Variants in RBFOX1 observed in about 807,000 individuals in gnomAD.
The protein encoded by RBFOX1 is RNA binding protein fox-1 homolog 1.
In RBFOX1, 8 loss-of-function variants were observed where a neutral mutation model predicts 57.7. That is an observed-to-expected ratio of 0.14 (90% CI 0.08 to 0.25). The LOEUF (loss-of-function observed/expected upper bound fraction) is 0.25. Among genes scored for constraint, RBFOX1 ranks in the 10% least tolerant of loss-of-function variants. The pLI, the probability that RBFOX1 is intolerant of heterozygous loss-of-function variation, is 1.00. For missense variants in RBFOX1, 611 were observed against 548.5 expected (o/e 1.11, Z -1.14); for synonymous variants, 326 against 222.4 (o/e 1.47, Z -4.15).
intron 5 of RBFOX1, among the ~76,000 whole-genome samples, chr16:7,549,845 C>T (rs997485762): frequency 2.0e-5 from 3 of 152,198 alleles, no homozygotes; most frequent in Non-Finnish European, 4.4e-5. Flanking sequence ...AACACCCTCA[C>T]GGACACACGC....
At chr16:5,757,016 T>G (rs1309711388) in intron 3 of RBFOX1, among the ~76,000 whole-genome samples, 1 of 152,298 alleles carries the variant, frequency 6.6e-6, no homozygotes, top group East Asian at 1.9e-4. Flanking sequence ...TTACTAATGA[T>G]TTAATTCAGA....
At chr16:7,222,584 TTCCTGCCTGGGTTCAAATCTCC>T (rs2092810261) in intron 4 of RBFOX1, among the ~76,000 whole-genome samples, 1 of 152,216 alleles carries the variant, frequency 6.6e-6, no homozygotes, top group African/African-American at 2.4e-5. Flanking sequence ...CTGGCTGTTG[TTCCTGCCTGGGTTCAAATCTCC>T]TCTCTGCCGC....
chr16:6,862,397 G>C (rs952354923), intron 3 of RBFOX1, among the ~76,000 whole-genome samples: 1 of 152,170 alleles, frequency 6.6e-6, no homozygotes, highest in African/African-American at 2.4e-5. Context: ...CAATGAAATG[G>C]AGGAAGAGAG....
chr16:6,964,477 A>G (rs2083674177), intron 3 of RBFOX1, among the ~76,000 whole-genome samples: 1 of 152,138 alleles, frequency 6.6e-6, no homozygotes, highest in African/African-American at 2.4e-5. Context: ...GTCAGTGTAT[A>G]TGGTTATCAA....
intron 2 of RBFOX1, among the ~76,000 whole-genome samples, chr16:6,500,889 T>TGTTTGTTTG (rs1313041982): frequency 1.5e-3 from 219 of 142,242 alleles, no homozygotes; most frequent in East Asian, 3.2e-3. Context: ...TTTTTTTTTT[T>TGTTTGTTTG]TTTTTTTTTT....
rs143263170 is a variant in RBFOX1, at chr16:7,457,424, C to T, written c.28-60723C>T. Among the ~76,000 whole-genome samples the T allele has an allele frequency of 2.5e-3, 376 of 152,272 alleles. 7 individuals carry two copies. The highest frequency in any genetic ancestry group is 0.021 in the Admixed American group (314 of 15,296). ...TCTTATTTTTATGGCATTAGTGTTG[C>T]GTGGATTGAAAATCACACGTACACG... On this transcript the variant is annotated intron_variant, in intron 4 of 15. Coordinates refer to ENST00000550418, the MANE Select transcript of RBFOX1 (RefSeq NM_018723.4).
At chr16:7,345,759 T>C (rs188498756) in intron 4 of RBFOX1, among the ~76,000 whole-genome samples, 14 of 152,316 alleles carry the variant, frequency 9.2e-5, no homozygotes, top group Admixed American at 9.2e-4. Flanking sequence ...GTCCAAACAG[T>C]TGTGGGATTT....
intron 4 of RBFOX1, among the ~76,000 whole-genome samples, chr16:7,220,287 C>G (rs145626902): frequency 4.6e-5 from 7 of 152,144 alleles, no homozygotes; most frequent in Non-Finnish European, 1.0e-4. Context: ...CCCATTTTTC[C>G]TGGCTCTGAC....
At chr16:7,433,588 C>T (rs1257779279) in intron 4 of RBFOX1, among the ~76,000 whole-genome samples, 1 of 152,202 alleles carries the variant, frequency 6.6e-6, no homozygotes, top group Non-Finnish European at 1.5e-5. Flanking sequence ...TCATGTCACA[C>T]AGGTGAAGCA....
chr16:7,543,603 C>A (rs2083541893), intron 5 of RBFOX1, among the ~76,000 whole-genome samples: 1 of 151,154 alleles, frequency 6.6e-6, no homozygotes, highest in African/African-American at 2.4e-5. Flanking sequence ...AAATTGAGAA[C>A]CATTGCTTAA....
At chr16:5,796,565 C>G (rs1256056480) in intron 3 of RBFOX1, among the ~76,000 whole-genome samples, 1 of 100,652 alleles carries the variant, frequency 9.9e-6, no homozygotes, top group Non-Finnish European at 1.9e-5. Context: ...GTCTCCACAC[C>G]CTGATGATGA....
chr16:6,523,764 C>G (rs1232604130), intron 2 of RBFOX1, among the ~76,000 whole-genome samples: 3 of 152,168 alleles, frequency 2.0e-5, no homozygotes, highest in Non-Finnish European at 4.4e-5. Context: ...AAAAAAGCGA[C>G]TATTACATCC....
intron 1 of RBFOX1, among the ~76,000 whole-genome samples, chr16:5,343,746 A>G (rs1425454309): frequency 3.3e-5 from 5 of 152,226 alleles, no homozygotes; most frequent in Admixed American, 3.3e-4. Context: ...TCCGTATGTA[A>G]CAATATCAGG....
At chr16:6,942,826 C>T (rs1048815343) in intron 3 of RBFOX1, among the ~76,000 whole-genome samples, 4 of 152,000 alleles carry the variant, frequency 2.6e-5, no homozygotes, top group South Asian at 2.1e-4. Context: ...GATGGCTGAC[C>T]CTGAACAGGT....
chr16:7,201,543 C>T (rs975454034), intron 4 of RBFOX1, among the ~76,000 whole-genome samples: 5 of 151,748 alleles, frequency 3.3e-5, no homozygotes, highest in South Asian at 4.1e-4. Flanking sequence ...CTCACTGCAA[C>T]CTCTGCCCCA....
chr16:6,695,200 G>T (rs1442224236), intron 3 of RBFOX1, among the ~76,000 whole-genome samples: 1 of 152,068 alleles, frequency 6.6e-6, no homozygotes, highest in South Asian at 2.1e-4. Flanking sequence ...CGGTTGGGTC[G>T]CCTGATGTCA....
At chr16:6,672,973 C>T (rs2098776726) in intron 3 of RBFOX1, among the ~76,000 whole-genome samples, 1 of 152,094 alleles carries the variant, frequency 6.6e-6, no homozygotes, top group South Asian at 2.1e-4. Flanking sequence ...TACCCCAGTC[C>T]CTGAAGTGCT....
At chr16:6,990,029 A>C (rs1348084464) in intron 3 of RBFOX1, among the ~76,000 whole-genome samples, 1 of 152,126 alleles carries the variant, frequency 6.6e-6, no homozygotes, top group African/African-American at 2.4e-5. Context: ...AATGTCTGCA[A>C]ACTACTTGAA....
chr16:5,864,203 C>G (rs1301998637), intron 3 of RBFOX1, among the ~76,000 whole-genome samples: 1 of 152,210 alleles, frequency 6.6e-6, no homozygotes, highest in Non-Finnish European at 1.5e-5. Context: ...TGGCCTCCAG[C>G]TCCATCGATG....
Sources: allele counts gnomAD v4.1 joint callset (sites outside exome capture counted in the v4.1 genomes callset), GRCh38; gene constraint gnomAD v4.1.1; transcripts MANE v1.5; gene names NCBI Gene and HGNC (gene_info 2026-07-23, HGNC 2026-07-21).